Variants in SPTY2D1 observed in about 807,000 individuals in gnomAD.
SPTY2D1 encodes the protein protein SPT2 homolog.
Under a neutral mutation model 64.0 loss-of-function variants are expected in SPTY2D1, and 21 were observed. The ratio of observed to expected loss-of-function variants is 0.33; its 90% CI spans 0.23 to 0.47. SPTY2D1 has a LOEUF of 0.47. SPTY2D1 is among the 20% of genes least tolerant of loss of function. The probability of loss-of-function intolerance (pLI) is 1.00; values close to 1 mark genes in which losing one functional copy is unlikely to be tolerated. For synonymous variants in SPTY2D1, 287 were observed against 286.8 expected, an observed-to-expected ratio of 1.00 and a Z score of -0.01; for missense variants, 724 against 837.2, an observed-to-expected ratio of 0.86 and a Z score of 1.67.
rs1854117620 is a variant in SPTY2D1, at chr11:18,606,917, G to A, written c.*2944C>T. The A allele has an allele frequency of 3.1e-6, 1 of 323,706 alleles. No homozygotes were observed. The allele number at this position is 323,706 out of a possible 1,614,324, so 20.1% of individuals were successfully genotyped here. A position where few individuals can be genotyped will look rare whatever the true frequency, so the allele number is the denominator to read the frequency against. On this transcript the variant is annotated 3_prime_UTR_variant, in exon 6 of 6. Coordinates refer to ENST00000336349, the MANE Select transcript of SPTY2D1 (RefSeq NM_194285.3). Reference sequence around the variant, plus strand: ...GCTCTGTCACCCAGCCTGGAGTGCAGTGGTGCTATCTTGGCTGACTGCAAC... The same window carrying A: ...GCTCTGTCACCCAGCCTGGAGTGCAATGGTGCTATCTTGGCTGACTGCAAC...
At chr11:18,611,429 G>T (rs758839609) in intron 5 of SPTY2D1, 48 bp downstream of exon 5, 1 of 1,547,314 alleles carries the variant, frequency 6.5e-7, no homozygotes, top group Admixed American at 1.7e-5. Context: ...TAAGCAGAAA[G>T]GAATTTTTAG....
chr11:18,632,414 C>T (rs987837974), intron 1 of SPTY2D1, among the ~76,000 whole-genome samples: 8 of 151,622 alleles, frequency 5.3e-5, no homozygotes, highest in African/African-American at 1.5e-4. Context: ...TGCAATCGCA[C>T]GATCTCAGCT....
At chr11:18,632,354 G>A (rs7934928) in intron 1 of SPTY2D1, among the ~76,000 whole-genome samples, 129,525 of 150,150 alleles carry the variant, frequency 0.86, 57,009 homozygotes, top group Non-Finnish European at 0.95. Context: ...ATTATCTATT[G>A]ATTTTTTTTT....
rs1300137713 is a variant in SPTY2D1, at chr11:18,616,758, CA to C, written c.175+116del. 604 of 857,532 alleles carry C rather than the reference CA, an allele frequency of 7.0e-4. 1 individual carries two copies. The highest frequency in any genetic ancestry group is 4.4e-3 in the East Asian group (168 of 38,606). The allele number at this position is 857,532 out of a possible 1,614,324, so 53.1% of individuals were successfully genotyped here. A position where few individuals can be genotyped will look rare whatever the true frequency, so the allele number is the denominator to read the frequency against. On this transcript the variant is annotated intron_variant, in intron 2 of 5. Coordinates refer to ENST00000336349, the MANE Select transcript of SPTY2D1 (RefSeq NM_194285.3). ...ACACACACACACACACACACACACA[CA>C]CACCCTCCCAAATCTGTTGGCCTGT...
At chr11:18,621,206 A>C (rs757520844) in intron 1 of SPTY2D1, among the ~76,000 whole-genome samples, 17 of 151,442 alleles carry the variant, frequency 1.1e-4, no homozygotes, top group Non-Finnish European at 2.9e-5. Context: ...CTGAGGCAGT[A>C]ATTGCTTGAA....
At chr11:18,614,151 T>C (rs754436682) in intron 3 of SPTY2D1, among the ~76,000 whole-genome samples, 1 of 152,272 alleles carries the variant, frequency 6.6e-6, no homozygotes. Flanking sequence ...CAGCAGGGAA[T>C]AGTGACTCAT....
At chr11:18,629,298 C>T (rs1021501666) in intron 1 of SPTY2D1, among the ~76,000 whole-genome samples, 4 of 145,376 alleles carry the variant, frequency 2.8e-5, no homozygotes, top group South Asian at 2.3e-4. Flanking sequence ...GCCAGGAGTT[C>T]GAGACCAGCC....
intron 1 of SPTY2D1, among the ~76,000 whole-genome samples, chr11:18,618,587 TTTTTG>T (rs1214522514): frequency 6.6e-6 from 1 of 152,232 alleles, no homozygotes; most frequent in Non-Finnish European, 1.5e-5. Flanking sequence ...TATCCTCCTT[TTTTTG>T]TTTTGTTAGG....
chr11:18,634,265 C>A lies in SPTY2D1; in HGVS notation c.-8G>T, dbSNP rs1354626601. On this transcript the variant is annotated 5_prime_UTR_variant, in exon 1 of 6. Transcript: ENST00000336349. ...AATTTCTCTGAAGTCCATGTTGGGC[C>A]GAGGCGGGAGAGACTGGGCCAGGCA... The A allele has an allele frequency of 1.9e-6, 3 of 1,614,058 alleles. No homozygotes were observed. The South Asian group carries it at 3.3e-5, about 18-fold the overall frequency.
chr11:18,610,686 A>AAAC (rs1554987437), intron 5 of SPTY2D1, among the ~76,000 whole-genome samples: 193 of 147,020 alleles, frequency 1.3e-3, no homozygotes, highest in African/African-American at 3.0e-3. Flanking sequence ...AAAAAAAAAA[A>AAAC]AACAACAATA....
chr11:18,611,449 G>A (rs781425930), intron 5 of SPTY2D1, 28 bp downstream of exon 5: 2 of 1,601,008 alleles, frequency 1.2e-6, no homozygotes, highest in Non-Finnish European at 1.7e-6. Flanking sequence ...GGACATTTTT[G>A]CACAAGTATG....
At chr11:18,626,484 T>C (rs777318272) in intron 1 of SPTY2D1, among the ~76,000 whole-genome samples, 6 of 151,178 alleles carry the variant, frequency 4.0e-5, no homozygotes, top group Non-Finnish European at 8.8e-5. Flanking sequence ...GGGAACTGGA[T>C]GGGTTCAAGC....
Position 18,617,005 on chromosome 11 carries a change from G to C in SPTY2D1, c.61-16C>G. The C allele has an allele frequency of 1.2e-6, 2 of 1,607,752 alleles. No individual in the cohort carries two copies. The highest frequency in any genetic ancestry group is 1.7e-6 in the Non-Finnish European group (2 of 1,174,474). On this transcript the variant is annotated splice_polypyrimidine_tract_variant and intron_variant, in intron 1 of 5. Coordinates refer to ENST00000336349, the MANE Select transcript of SPTY2D1 (RefSeq NM_194285.3). Reference sequence around the variant, plus strand: ...TATACCTTTTCTAAAAACAAAAACAGTAAAAGTTAGAAGCAATTCAACTTT... The same window carrying C: ...TATACCTTTTCTAAAAACAAAAACACTAAAAGTTAGAAGCAATTCAACTTT...
At chr11:18,625,102 A>C (rs1047101260) in intron 1 of SPTY2D1, among the ~76,000 whole-genome samples, 1 of 152,240 alleles carries the variant, frequency 6.6e-6, no homozygotes, top group African/African-American at 2.4e-5. Flanking sequence ...GCTTTACATA[A>C]GAGATTTATA....
At chr11:18,620,205 T>G (rs550316489) in intron 1 of SPTY2D1, among the ~76,000 whole-genome samples, 2 of 152,286 alleles carry the variant, frequency 1.3e-5, no homozygotes, top group East Asian at 3.9e-4. Context: ...CCAGGTGCGG[T>G]GGTTCACGCC....
chr11:18,613,620 G>T (rs756017668), intron 3 of SPTY2D1, among the ~76,000 whole-genome samples: 3 of 152,146 alleles, frequency 2.0e-5, no homozygotes, highest in African/African-American at 7.2e-5. Flanking sequence ...CCCTTGTTAA[G>T]AATCAATGGT....
intron 2 of SPTY2D1, 107 bp from the exon 3 acceptor site, chr11:18,616,205 T>C: frequency 4.0e-6 from 4 of 998,164 alleles, no homozygotes; most frequent in Non-Finnish European, 5.8e-6. Flanking sequence ...CATCTAGGAA[T>C]CAAATGAGGA....
rs1360334004 is a variant in SPTY2D1 at position 18,612,463 on chromosome 11, A to G, written c.1737T>C (p.Thr579=). ...AQGPQRLPFP[T]GYKRQREYEE... is the part of the protein sequence containing the mutation. ...CATATTCTCGCTGCCTTTTGTAACCAGTAGGGAAGGGAAGCCTTTGAGGAC... is the reference window on the plus strand; with the variant it reads ...CATATTCTCGCTGCCTTTTGTAACCGGTAGGGAAGGGAAGCCTTTGAGGAC... The change falls in exon 4 of 6, where the codon ACT becomes ACC. Residue 579 remains threonine (T), a synonymous_variant. Transcript: ENST00000336349. The surrounding 1 kb of genome is among the most constrained non-coding windows in gnomAD (Gnocchi z 4.6). The G allele has an allele frequency of 6.2e-7, 1 of 1,603,742 alleles. No homozygotes were observed. Among genetic ancestry groups the G allele is most frequent in the Non-Finnish European group, 8.5e-7 (1 of 1,175,812 alleles).
intron 5 of SPTY2D1, among the ~76,000 whole-genome samples, chr11:18,611,145 C>CA (rs770528719): frequency 2.0e-5 from 3 of 151,662 alleles, no homozygotes; most frequent in East Asian, 1.9e-4. Context: ...ACAAAACAAA[C>CA]AAAAAAAACA....
Sources: allele counts gnomAD v4.1 joint callset (sites outside exome capture counted in the v4.1 genomes callset), GRCh38; gene constraint gnomAD v4.1.1; non-coding constraint Gnocchi (gnomAD v3.1); transcripts MANE v1.5; gene names NCBI Gene and HGNC (gene_info 2026-07-23, HGNC 2026-07-21).